ST6GALNAC3: variants seen among roughly 807,000 people sequenced by gnomAD.
The protein encoded by ST6GALNAC3 is alpha-N-acetylgalactosaminide alpha-2,6-sialyltransferase 3.
In ST6GALNAC3, 25 loss-of-function variants were observed where a neutral mutation model predicts 32.7. The ratio of observed to expected loss-of-function variants is 0.76; its 90% CI spans 0.56 to 1.07. The LOEUF is 1.07. Ranked by LOEUF, ST6GALNAC3 falls within the 50% of genes least tolerant of loss-of-function variation. ST6GALNAC3 has a pLI of 0.00. For synonymous variants in ST6GALNAC3, 129 were observed against 133.1 expected (o/e 0.97, Z 0.21); for missense variants, 355 against 382.4 (o/e 0.93, Z 0.60).
intron 2 of ST6GALNAC3, among the ~76,000 whole-genome samples, chr1:76,336,161 T>C (rs1194101924): frequency 6.6e-6 from 1 of 152,192 alleles, no homozygotes; most frequent in Non-Finnish European, 1.5e-5. Context: ...CAGAGTGCCA[T>C]TAGTGTACCA....
At chr1:76,137,842 C>T (rs539399540) in intron 1 of ST6GALNAC3, among the ~76,000 whole-genome samples, 10 of 152,294 alleles carry the variant, frequency 6.6e-5, no homozygotes, top group East Asian at 1.9e-4. Context: ...TTCTTGGTTT[C>T]GGCCATTTGT....
intron 1 of ST6GALNAC3, among the ~76,000 whole-genome samples, chr1:76,175,623 A>G (rs1054067177): frequency 6.6e-6 from 1 of 152,036 alleles, no homozygotes; most frequent in Non-Finnish European, 1.5e-5. Context: ...TAGAAGTACC[A>G]GACAATCAGA....
chr1:76,105,216 A>C (rs375333696), intron 1 of ST6GALNAC3, among the ~76,000 whole-genome samples: 1 of 470 alleles, frequency 2.1e-3, no homozygotes, highest in South Asian at 0.25. Flanking sequence ...TTTTGTCACA[A>C]TTTGCATGGA....
At chr1:76,315,839 T>C (rs1037176579) in intron 2 of ST6GALNAC3, among the ~76,000 whole-genome samples, 5 of 152,142 alleles carry the variant, frequency 3.3e-5, no homozygotes, top group African/African-American at 9.7e-5. Context: ...CAGCTCCAAA[T>C]TGCTATTCAA....
At chr1:76,300,185 G>A (rs1660647084) in intron 1 of ST6GALNAC3, among the ~76,000 whole-genome samples, 1 of 152,030 alleles carries the variant, frequency 6.6e-6, no homozygotes. Flanking sequence ...CTGCAATCAG[G>A]TAGGCTTTGG....
In ST6GALNAC3 at chr1:76,538,137, C is replaced by T. The variant is rs112747597; in HGVS notation, c.624-89315C>T. ...AATCCTCAATAAAATACTGGCAAAC[C>T]GAGTCCAGCAGTACATCAGAAAATT... On this transcript the variant is annotated intron_variant, in intron 3 of 4. Transcript: ENST00000328299. Among the ~76,000 whole-genome samples the T allele has an allele frequency of 3.9e-3, 588 of 152,174 alleles. 1 individual carries two copies. Among genetic ancestry groups the T allele is most frequent in the African/African-American group, 0.013 (552 of 41,528 alleles).
chr1:76,213,898 C>T (rs1168375520), intron 1 of ST6GALNAC3, among the ~76,000 whole-genome samples: 1 of 152,064 alleles, frequency 6.6e-6, no homozygotes, highest in Non-Finnish European at 1.5e-5. Context: ...GTATGAATTC[C>T]ACGTATGACC....
At chr1:76,314,859 C>G (rs558628770) in intron 2 of ST6GALNAC3, among the ~76,000 whole-genome samples, 98 of 152,140 alleles carry the variant, frequency 6.4e-4, no homozygotes, top group South Asian at 1.9e-3. Flanking sequence ...TGGATCAGCT[C>G]CCATCGAAAG....
intron 2 of ST6GALNAC3, among the ~76,000 whole-genome samples, chr1:76,359,578 T>C (rs1297122600): frequency 6.6e-6 from 1 of 152,146 alleles, no homozygotes; most frequent in Non-Finnish European, 1.5e-5. Flanking sequence ...AACACATTGA[T>C]CTCAAACTAT....
intron 3 of ST6GALNAC3, among the ~76,000 whole-genome samples, chr1:76,587,955 G>A (rs1646987556): frequency 6.6e-6 from 1 of 152,168 alleles, no homozygotes; most frequent in African/African-American, 2.4e-5. Context: ...GAGGGCACTA[G>A]GGGACCTATC....
intron 1 of ST6GALNAC3, among the ~76,000 whole-genome samples, chr1:76,155,004 C>T (rs982839320): frequency 1.3e-5 from 2 of 152,170 alleles, no homozygotes; most frequent in African/African-American, 4.8e-5. Context: ...TTTGCATTTG[C>T]ATTTCCACCA....
intron 3 of ST6GALNAC3, among the ~76,000 whole-genome samples, chr1:76,599,426 G>A (rs1204702251): frequency 6.6e-6 from 1 of 151,910 alleles, no homozygotes; most frequent in Non-Finnish European, 1.5e-5. Context: ...TTAGGTATTT[G>A]TCCCAATGCT....
At chr1:76,215,045 T>G (rs532252119) in intron 1 of ST6GALNAC3, among the ~76,000 whole-genome samples, 1 of 152,328 alleles carries the variant, frequency 6.6e-6, no homozygotes, top group South Asian at 2.1e-4. Flanking sequence ...GCCTGGAAGG[T>G]TTCTAGTAGA....
chr1:76,201,854 C>T (rs1264931061), intron 1 of ST6GALNAC3, among the ~76,000 whole-genome samples: 2 of 152,112 alleles, frequency 1.3e-5, no homozygotes, highest in African/African-American at 4.8e-5. Flanking sequence ...TCCTTAGAAG[C>T]AGAGTGGCAA....
intron 3 of ST6GALNAC3, among the ~76,000 whole-genome samples, chr1:76,501,041 G>A (rs1054951831): frequency 6.6e-6 from 1 of 152,194 alleles, no homozygotes; most frequent in African/African-American, 2.4e-5. Context: ...CCCAGGAGGA[G>A]GAGGAAGACT....
intron 1 of ST6GALNAC3, among the ~76,000 whole-genome samples, chr1:76,241,829 A>C (rs1195351495): frequency 6.6e-6 from 1 of 151,876 alleles, no homozygotes; most frequent in Admixed American, 6.5e-5. Context: ...CCTTTTTTTC[A>C]CTTTTAGTGT....
At position 76,223,772 on chromosome 1, in the gene ST6GALNAC3, A is replaced by G. The variant is rs898464186; in HGVS notation, c.19-90033A>G. 3.9e-5 allele frequency among the ~76,000 whole-genome samples: 6 copies of G among 152,076 alleles called. No homozygotes were observed. In the South Asian group the frequency reaches 8.3e-4, roughly 21 times the overall value. On this transcript the variant is annotated intron_variant, in intron 1 of 4. Coordinates refer to ENST00000328299, the MANE Select transcript of ST6GALNAC3 (RefSeq NM_152996.4). ...TTAATTCTTTCAGTCTTTCCTGATT[A>G]TTGATGCCATGATGATTTTTTTTTT...
intron 1 of ST6GALNAC3, among the ~76,000 whole-genome samples, chr1:76,086,830 C>A (rs550568761): frequency 6.6e-6 from 1 of 152,124 alleles, no homozygotes; most frequent in Non-Finnish European, 1.5e-5. Context: ...TCCCTCACAC[C>A]TTTGCCATGG....
At chr1:76,620,346 G>C (rs1648557586) in intron 3 of ST6GALNAC3, among the ~76,000 whole-genome samples, 1 of 152,030 alleles carries the variant, frequency 6.6e-6, no homozygotes, top group Admixed American at 6.6e-5. Flanking sequence ...AAGAAGTCCT[G>C]GAAAAAGCAG....
Sources: allele counts gnomAD v4.1 joint callset (sites outside exome capture counted in the v4.1 genomes callset), GRCh38; gene constraint gnomAD v4.1.1; transcripts MANE v1.5; gene names NCBI Gene and HGNC (gene_info 2026-07-23, HGNC 2026-07-21).